N4BP2L2: variants seen among roughly 807,000 people sequenced by gnomAD.
The protein encoded by N4BP2L2 is NEDD4 binding protein 2 like 2, also known as NEDD4-binding protein 2-like 2.
N4BP2L2 carries 50 observed loss-of-function variants against 56.2 expected under a neutral mutation model. The ratio of observed to expected loss-of-function variants is 0.89; its 90% CI spans 0.71 to 1.13. N4BP2L2 has a LOEUF of 1.13. N4BP2L2 is among the 50% of genes most tolerant of loss of function. The pLI is 0.00. For missense variants in N4BP2L2, 689 were observed against 693.8 expected (o/e 0.99, Z 0.08); for synonymous variants, 203 against 223.6 (o/e 0.91, Z 0.82).
chr13:32,500,154 G>A (rs1467225736), intron 6 of N4BP2L2, among the ~76,000 whole-genome samples: 1 of 152,044 alleles, frequency 6.6e-6, no homozygotes, highest in Non-Finnish European at 1.5e-5. Flanking sequence ...CCATAGGCTC[G>A]GTGCCTTAGC....
At chr13:32,454,587 GACAAAGACTTTATGTTA>G (rs2078644068) in intron 6 of N4BP2L2, among the ~76,000 whole-genome samples, 1 of 152,110 alleles carries the variant, frequency 6.6e-6, no homozygotes. Context: ...GGACTTATTA[GACAAAGACTTTATGTTA>G]ACTATTTTAA....
rs930231136 is a variant in N4BP2L2, at chr13:32,460,163, A to G, written c.366-16037T>C. On this transcript the variant is annotated intron_variant, in intron 6 of 9. Transcript: ENST00000357505. ...CACAGAAGGAACATACTTCAACATA[A>G]AAAAGACCAATATGACAAACTCTTA... Among the ~76,000 whole-genome samples the G allele has an allele frequency of 2.6e-5, 4 of 152,196 alleles. No homozygotes were observed. The South Asian group carries it at 8.3e-4, about 32-fold the overall frequency.
At chr13:32,443,689 G>A (rs762228814) in exon 7 of N4BP2L2, 3 of 1,604,862 alleles carry the variant, frequency 1.9e-6, no homozygotes, top group Non-Finnish European at 2.5e-6. Context: ...TGTTACACAG[G>A]AAAGGTTTTG....
At chr13:32,526,818 G>GGTTT (rs2052993482) in intron 3 of N4BP2L2, 1 of 24,236 alleles carries the variant, frequency 4.1e-5, no homozygotes, top group Non-Finnish European at 7.9e-5. Context: ...CTTTTTGTCT[G>GGTTT]TTTTTTTTTT....
intron 5 of N4BP2L2, 39 bp downstream of exon 5, chr13:32,521,334 A>C: frequency 7.2e-7 from 1 of 1,397,672 alleles, no homozygotes; most frequent in Non-Finnish European, 1.0e-6. Flanking sequence ...AAAAGAAAGA[A>C]GAAAAGTTAA....
chr13:32,529,721 C>A (rs1372742065), intron 2 of N4BP2L2, among the ~76,000 whole-genome samples: 2 of 143,560 alleles, frequency 1.4e-5, no homozygotes, highest in Non-Finnish European at 3.0e-5. Context: ...CAGGTCATTT[C>A]TTTTCTTTTC....
At chr13:32,443,772 C>A in exon 7 of N4BP2L2, 1 of 1,578,744 alleles carries the variant, frequency 6.3e-7, no homozygotes. Context: ...TATCACCTTC[C>A]TTAGAGAGGT....
chr13:32,533,211 T>G (rs1052135869), intron 2 of N4BP2L2, among the ~76,000 whole-genome samples: 1 of 152,158 alleles, frequency 6.6e-6, no homozygotes, highest in African/African-American at 2.4e-5. Context: ...TCCTTTGGGA[T>G]TTTGGTTAAA....
At chr13:32,471,512 G>C (rs879526175) in intron 6 of N4BP2L2, among the ~76,000 whole-genome samples, 1 of 152,236 alleles carries the variant, frequency 6.6e-6, no homozygotes, top group Non-Finnish European at 1.5e-5. Flanking sequence ...GGGCGCACCC[G>C]AAGAAAGACA....
At chr13:32,506,977 G>GTAATATCGTATTT (rs1169586192), downstream of N4BP2L2, 9 of 151,656 alleles carry the variant, frequency 5.9e-5, no homozygotes, top group Non-Finnish European at 1.2e-4. Flanking sequence ...TAAGGTGCTA[G>GTAATATCGTATTT]TAATATCGTA....
chr13:32,534,839 T>C (rs1431146176), intron 2 of N4BP2L2, among the ~76,000 whole-genome samples: 7 of 152,210 alleles, frequency 4.6e-5, no homozygotes, highest in Non-Finnish European at 7.3e-5. Flanking sequence ...TCTTGAATCA[T>C]CTTATATAAA....
At chr13:32,434,690 T>C (rs912014186) in intron 9 of N4BP2L2, among the ~76,000 whole-genome samples, 3 of 152,196 alleles carry the variant, frequency 2.0e-5, no homozygotes, top group African/African-American at 7.2e-5. Context: ...GCTATTTCCC[T>C]GTTTCTAAAT....
chr13:32,477,531 C>T (rs1386919849), intron 6 of N4BP2L2: 2 of 217,464 alleles, frequency 9.2e-6, no homozygotes, highest in Non-Finnish European at 1.9e-5. Context: ...ATACAAAGAA[C>T]TGAGAGTTCC....
At chr13:32,501,060 G>T (rs1218966661) in intron 6 of N4BP2L2, among the ~76,000 whole-genome samples, 1 of 151,982 alleles carries the variant, frequency 6.6e-6, no homozygotes, top group Non-Finnish European at 1.5e-5. Flanking sequence ...TAAAGACGAG[G>T]TTTCGCCATT....
intron 6 of N4BP2L2, chr13:32,444,176 C>T (rs1408206422): frequency 5.2e-6 from 7 of 1,341,300 alleles, no homozygotes; most frequent in Admixed American, 2.9e-5. Flanking sequence ...ACATGTATAA[C>T]ATAAGCAAAC....
chr13:32,511,680 A>G (rs1364412110), exon 6 of N4BP2L2: 1 of 152,206 alleles, frequency 6.6e-6, no homozygotes, highest in Non-Finnish European at 1.5e-5. Context: ...TACAGGAGGG[A>G]AAAAGATATT....
intron 6 of N4BP2L2, among the ~76,000 whole-genome samples, chr13:32,462,018 T>C (rs2080185179): frequency 6.6e-6 from 1 of 152,246 alleles, no homozygotes; most frequent in Admixed American, 6.5e-5. Flanking sequence ...ACAGCCATTA[T>C]TGAAAACCGT....
intron 6 of N4BP2L2, among the ~76,000 whole-genome samples, chr13:32,469,920 A>G (rs1056834387): frequency 5.3e-5 from 8 of 152,296 alleles, no homozygotes; most frequent in South Asian, 2.1e-4. Context: ...GAACTGGCTG[A>G]GGTGCCTTGC....
At chr13:32,487,609 T>A (rs1241444607) in intron 6 of N4BP2L2, among the ~76,000 whole-genome samples, 1 of 148,142 alleles carries the variant, frequency 6.8e-6, no homozygotes, top group Non-Finnish European at 1.5e-5. Flanking sequence ...GAGGAAGAGG[T>A]TGCAGTGAGC....
Sources: allele counts gnomAD v4.1 joint callset (sites outside exome capture counted in the v4.1 genomes callset), GRCh38; gene constraint gnomAD v4.1.1; transcripts MANE v1.5; gene names NCBI Gene and HGNC (gene_info 2026-07-23, HGNC 2026-07-21).